Variants in RIMS2 observed in about 807,000 individuals in gnomAD.
The protein encoded by RIMS2 is regulating synaptic membrane exocytosis protein 2.
RIMS2 carries 59 observed loss-of-function variants against 174.4 expected under a neutral mutation model. The observed-to-expected ratio is 0.34, with a 90% CI of 0.27 to 0.42. The LOEUF (loss-of-function observed/expected upper bound fraction) is 0.42. RIMS2 is among the 10% of genes least tolerant of loss of function. The probability of loss-of-function intolerance (pLI) is 1.00; values close to 1 mark genes in which losing one functional copy is unlikely to be tolerated. For missense variants in RIMS2, 1,620 were observed against 1,666.3 expected, an observed-to-expected ratio of 0.97 and a Z score of 0.48; for synonymous variants, 606 against 572.5, an observed-to-expected ratio of 1.06 and a Z score of -0.84.
chr8:104,178,444 C>T (rs2098918924), intron 19 of RIMS2, among the ~76,000 whole-genome samples: 2 of 152,078 alleles, frequency 1.3e-5, no homozygotes, highest in East Asian at 1.9e-4. Context: ...CCTTGTCTCC[C>T]GTTTGTTTCT....
At chr8:104,067,133 C>A (rs1314536726) in intron 19 of RIMS2, among the ~76,000 whole-genome samples, 2 of 151,994 alleles carry the variant, frequency 1.3e-5, no homozygotes, top group Admixed American at 6.6e-5. Flanking sequence ...TATTAAAATA[C>A]CTATTTTTTA....
chr8:103,626,530 T>C (rs889656210), intron 1 of RIMS2, among the ~76,000 whole-genome samples: 10 of 152,238 alleles, frequency 6.6e-5, no homozygotes, highest in African/African-American at 2.4e-4. Context: ...GTTAAAATTA[T>C]TCCAAACAGC....
intron 3 of RIMS2, among the ~76,000 whole-genome samples, chr8:103,771,662 G>A (rs1254336698): frequency 6.6e-6 from 1 of 152,054 alleles, no homozygotes; most frequent in Non-Finnish European, 1.5e-5. Flanking sequence ...GGAAAAGACA[G>A]TCTAAATCCT....
chr8:103,910,108 T>C (rs1292728130), intron 4 of RIMS2: 5 of 1,473,288 alleles, frequency 3.4e-6, no homozygotes, highest in Non-Finnish European at 4.7e-6. Context: ...TCTCCTTTAC[T>C]GCACTCTTTT....
Position 103,936,702 on chromosome 8 carries a change from G to A in RIMS2, c.2527G>A (p.Glu843Lys), listed in dbSNP as rs752348409. The change falls in exon 13 of 24, where the codon GAA becomes AAA. Residue 843 changes from glutamate to lysine, a missense_variant. By Grantham distance (56) the Glu-to-Lys change is moderately conservative. Around this residue, in one of 2 missense-constraint regions of RIMS2, gnomAD observed 1,395 missense variants for 1,360.1 expected, o/e 1.03. Transcript: ENST00000504942. ...GGATCAAGCTCGTGTTCGAGAGGAA[G>A]AAAGTGAATTCTTAGGCGAGGTATC... The A allele has an allele frequency of 6.8e-5, 109 of 1,606,294 alleles. No homozygotes were observed. The highest frequency in any genetic ancestry group is 8.4e-5 in the Non-Finnish European group (99 of 1,177,508).
At chr8:104,128,091 GA>G (rs2098446242) in intron 19 of RIMS2, among the ~76,000 whole-genome samples, 1 of 152,152 alleles carries the variant, frequency 6.6e-6, no homozygotes, top group Non-Finnish European at 1.5e-5. Flanking sequence ...AGTTTCTTCT[GA>G]GGCAATTTGA....
intron 19 of RIMS2, among the ~76,000 whole-genome samples, chr8:104,187,116 T>C (rs1005091815): frequency 6.6e-6 from 1 of 151,834 alleles, no homozygotes; most frequent in Non-Finnish European, 1.5e-5. Flanking sequence ...TTAGAAGCAG[T>C]CAACTGGTTG....
At chr8:104,112,188 T>C (rs2098197059) in intron 19 of RIMS2, among the ~76,000 whole-genome samples, 1 of 152,180 alleles carries the variant, frequency 6.6e-6, no homozygotes, top group South Asian at 2.1e-4. Flanking sequence ...ATCAATGTAA[T>C]AACGAGTGAA....
intron 1 of RIMS2, among the ~76,000 whole-genome samples, chr8:103,587,525 T>C (rs1238495132): frequency 1.3e-5 from 2 of 151,960 alleles, no homozygotes; most frequent in Non-Finnish European, 2.9e-5. Context: ...AACAAAATTC[T>C]AGCAAACTGA....
intron 19 of RIMS2, among the ~76,000 whole-genome samples, chr8:104,059,153 C>T: frequency 6.6e-6 from 1 of 151,424 alleles, no homozygotes. Context: ...TATAAATTAC[C>T]TTGGGCAGTA....
intron 1 of RIMS2, among the ~76,000 whole-genome samples, chr8:103,670,948 G>C (rs934743300): frequency 6.6e-6 from 1 of 152,086 alleles, no homozygotes; most frequent in Admixed American, 6.6e-5. Context: ...CCTGCTTACT[G>C]TATTAGTCCA....
intron 19 of RIMS2, among the ~76,000 whole-genome samples, chr8:104,243,788 G>T (rs989825656): frequency 2.0e-5 from 3 of 152,262 alleles, no homozygotes; most frequent in African/African-American, 4.8e-5. Context: ...AGTTAAGCCC[G>T]ACAAGAAGTA....
intron 7 of RIMS2, 81 bp downstream of exon 10, chr8:103,915,675 AT>A: frequency 1.6e-6 from 1 of 606,822 alleles, no homozygotes; most frequent in Non-Finnish European, 2.7e-6. Flanking sequence ...TTTAGAAGTG[AT>A]TTGACAATAA....
chr8:103,780,001 C>A (rs2098369163), intron 3 of RIMS2, among the ~76,000 whole-genome samples: 1 of 151,732 alleles, frequency 6.6e-6, no homozygotes. Context: ...TGTTTTTATG[C>A]CAGTACCATA....
At chr8:103,940,829 T>A (rs2082357446) in intron 13 of RIMS2, among the ~76,000 whole-genome samples, 1 of 148,214 alleles carries the variant, frequency 6.7e-6, no homozygotes, top group African/African-American at 2.5e-5. Context: ...TGAGCCAGGA[T>A]CGTGCCACTG....
intron 16 of RIMS2, among the ~76,000 whole-genome samples, chr8:103,980,654 C>T (rs2093820660): frequency 6.6e-6 from 1 of 152,176 alleles, no homozygotes; most frequent in Non-Finnish European, 1.5e-5. Flanking sequence ...TTAGTACAAG[C>T]TCAGCATTTC....
intron 2 of RIMS2, among the ~76,000 whole-genome samples, chr8:103,741,542 G>C (rs2097761812): frequency 6.6e-6 from 1 of 151,970 alleles, no homozygotes; most frequent in African/African-American, 2.4e-5. Flanking sequence ...TGTTACCCAG[G>C]TGGTGAGTCA....
At chr8:104,159,462 A>T (rs1389371730) in intron 19 of RIMS2, among the ~76,000 whole-genome samples, 2 of 152,168 alleles carry the variant, frequency 1.3e-5, no homozygotes, top group Non-Finnish European at 1.5e-5. Flanking sequence ...TGGGGATAGC[A>T]TTGAACCTAT....
At chr8:104,110,251 A>T (rs16892387) in intron 19 of RIMS2, among the ~76,000 whole-genome samples, 35,676 of 151,990 alleles carry the variant, frequency 0.23, 4,489 homozygotes, top group African/African-American at 0.33. Flanking sequence ...ATTATACCGT[A>T]TGTAACCAAA....
Sources: allele counts gnomAD v4.1 joint callset (sites outside exome capture counted in the v4.1 genomes callset), GRCh38; gene constraint gnomAD v4.1.1; regional missense constraint gnomAD v4.1.1; transcripts MANE v1.5; gene names NCBI Gene and HGNC (gene_info 2026-07-23, HGNC 2026-07-21).